CLPB: variants seen among roughly 807,000 people sequenced by gnomAD.
The protein encoded by CLPB is mitochondrial disaggregase.
In CLPB, 40 loss-of-function variants were observed where a neutral mutation model predicts 78.4. The ratio of observed to expected loss-of-function variants is 0.51; its 90% CI spans 0.40 to 0.66. CLPB has a LOEUF of 0.66. CLPB is among the 30% of genes least tolerant of loss of function. CLPB has a pLI of 0.00. For synonymous variants in CLPB, 333 were observed against 348.0 expected, an observed-to-expected ratio of 0.96 and a Z score of 0.48; for missense variants, 780 against 886.9, an observed-to-expected ratio of 0.88 and a Z score of 1.53.
intron 3 of CLPB, among the ~76,000 whole-genome samples, chr11:72,383,219 C>T (rs1357621319): frequency 6.6e-6 from 1 of 151,532 alleles, no homozygotes; most frequent in Non-Finnish European, 1.5e-5. Flanking sequence ...ATATTATAAT[C>T]AAACTATCAA....
At chr11:72,410,200 A>G (rs111236773) in intron 2 of CLPB, among the ~76,000 whole-genome samples, 15,319 of 152,188 alleles carry the variant, frequency 0.1, 1,340 homozygotes, top group African/African-American at 0.23. Flanking sequence ...ACTGTACCCC[A>G]GCCTAGGCAA....
chr11:72,376,624 G>A (rs1477718535), intron 4 of CLPB, among the ~76,000 whole-genome samples: 2 of 148,704 alleles, frequency 1.3e-5, no homozygotes, highest in Non-Finnish European at 3.0e-5. Flanking sequence ...AATGATTCCT[G>A]ACAAACTTCT....
chr11:72,407,739 C>T (rs1225612139), intron 2 of CLPB, among the ~76,000 whole-genome samples: 1 of 152,060 alleles, frequency 6.6e-6, no homozygotes, highest in South Asian at 2.1e-4. Context: ...CTCCGCCTCC[C>T]GAGTTCACGC....
rs138035256 is a variant in CLPB, at chr11:72,383,970, T to A, written c.543-3586A>T. On this transcript the variant is annotated intron_variant, in intron 3 of 15. Coordinates refer to ENST00000538039, the MANE Select transcript of CLPB (RefSeq NM_001258392.3). ...CTGAGAAACATGCTGAAACCCCATCTCTACCAAAAACAGACAGACAAACAA... is the reference window on the plus strand; with the variant it reads ...CTGAGAAACATGCTGAAACCCCATCACTACCAAAAACAGACAGACAAACAA... 1.4e-3 allele frequency among the ~76,000 whole-genome samples: 210 copies of A among 152,202 alleles called. 1 individual carries two copies. Among genetic ancestry groups the A allele is most frequent in the Non-Finnish European group, 2.0e-3 (135 of 68,000 alleles).
chr11:72,313,703 G>A (rs1949888296), intron 7 of CLPB, among the ~76,000 whole-genome samples: 1 of 152,174 alleles, frequency 6.6e-6, no homozygotes, highest in African/African-American at 2.4e-5. Context: ...TATTTGTGGG[G>A]TACATGAGAT....
chr11:72,364,524 TA>T lies in CLPB; in HGVS notation c.647-5517del, dbSNP rs959135506. ...GCCCGGCCAAAAAATTTTTTTTTAT[TA>T]AAAAAAAATATATAGAGAGAGATGG... On this transcript the variant is annotated intron_variant, in intron 4 of 15. Coordinates refer to ENST00000538039, the MANE Select transcript of CLPB (RefSeq NM_001258392.3). Among the ~76,000 whole-genome samples, 384 of 150,970 alleles carry T rather than the reference TA, an allele frequency of 2.5e-3. 4 individuals are homozygous for T. Among genetic ancestry groups the T allele is most frequent in the African/African-American group, 7.7e-3 (316 of 41,144 alleles).
At chr11:72,345,142 T>C (rs1356336024) in intron 5 of CLPB, among the ~76,000 whole-genome samples, 1 of 152,156 alleles carries the variant, frequency 6.6e-6, no homozygotes, top group African/African-American at 2.4e-5. Flanking sequence ...CCAGAGGACG[T>C]ATGCATTTAC....
chr11:72,355,828 G>A (rs1039128569), intron 5 of CLPB, among the ~76,000 whole-genome samples: 1 of 152,050 alleles, frequency 6.6e-6, no homozygotes, highest in Non-Finnish European at 1.5e-5. Context: ...ACCCTCTAAG[G>A]TCTGGGGACC....
At chr11:72,332,162 C>T (rs1320112891) in intron 5 of CLPB, among the ~76,000 whole-genome samples, 6 of 151,910 alleles carry the variant, frequency 3.9e-5, no homozygotes, top group Non-Finnish European at 7.4e-5. Context: ...ATACAATTCA[C>T]ACACCATAAA....
At chr11:72,396,246 G>A (rs868590219) in intron 3 of CLPB, among the ~76,000 whole-genome samples, 3 of 152,278 alleles carry the variant, frequency 2.0e-5, no homozygotes, top group Middle Eastern at 6.8e-3. Flanking sequence ...CCGGGAACCA[G>A]TCCTTCCGAC....
In CLPB at chr11:72,293,498, C is replaced by T; in HGVS notation, c.1903G>A (p.Glu635Lys). 6.2e-7 allele frequency: 1 copy of T among 1,614,148 alleles called. No homozygotes were observed. Among genetic ancestry groups the T allele is most frequent in the Non-Finnish European group, 8.5e-7 (1 of 1,180,028 alleles). Residue 635 changes from glutamate (E) to lysine (K), a missense_variant, in exon 16 of 16, where the codon GAA becomes AAA. Physicochemically the swap from Glu to Lys is moderately conservative, Grantham distance 56. Coordinates refer to ENST00000538039, the MANE Select transcript of CLPB (RefSeq NM_001258392.3). ...DSDKQLLKSP[E>K]LPSPQAEKRL... The stretch of plus-strand genomic sequence containing the variant: ...TTCTCAGCCTGGGGTGAGGGCAGTT[C>T]TGGGCTTTTGAGTAGCTGCTTGTCT...
At chr11:72,426,169 G>T (rs961554029) in intron 2 of CLPB, among the ~76,000 whole-genome samples, 2 of 152,186 alleles carry the variant, frequency 1.3e-5, no homozygotes, top group African/African-American at 4.8e-5. Context: ...GAACAACTGA[G>T]GTAAGCACTC....
At chr11:72,409,410 C>A (rs1855808531) in intron 2 of CLPB, among the ~76,000 whole-genome samples, 2 of 151,926 alleles carry the variant, frequency 1.3e-5, no homozygotes, top group Non-Finnish European at 2.9e-5. Flanking sequence ...AAGGCGAAAC[C>A]CCATCTCTAC....
intron 5 of CLPB, among the ~76,000 whole-genome samples, chr11:72,341,348 G>T (rs1253895016): frequency 6.6e-6 from 1 of 152,148 alleles, no homozygotes; most frequent in Non-Finnish European, 1.5e-5. Context: ...CAGAATCAGA[G>T]GAGCAAGAGG....
At position 72,286,341 on chromosome 11, in the gene CLPB, C is replaced by T. The variant is rs1377123815; in HGVS notation, c.*7026G>A. The T allele has an allele frequency of 1.3e-5, 2 of 150,570 alleles. No homozygotes were observed. The highest frequency in any genetic ancestry group is 3.0e-5 in the Non-Finnish European group (2 of 67,774). 9.3% of individuals were successfully genotyped at this position (150,570 alleles called of 1,614,324 possible). A position where few individuals can be genotyped will look rare whatever the true frequency, so the allele number is the denominator to read the frequency against. ...ATACTCCTAGACTCAAGGAATCTTCCACCTCAGCCTCGAGTAGCTGGGTAT... is the reference window on the plus strand; with the variant it reads ...ATACTCCTAGACTCAAGGAATCTTCTACCTCAGCCTCGAGTAGCTGGGTAT... On this transcript the variant is annotated 3_prime_UTR_variant, in exon 16 of 16. Coordinates refer to ENST00000538039, the MANE Select transcript of CLPB (RefSeq NM_001258392.3).
chr11:72,327,647 G>A (rs1950153976), intron 6 of CLPB, among the ~76,000 whole-genome samples: 2 of 152,182 alleles, frequency 1.3e-5, no homozygotes, highest in Non-Finnish European at 2.9e-5. Context: ...AAAGCTACAG[G>A]TACTCTTGGC....
chr11:72,382,019 C>A (rs577423459), intron 3 of CLPB, among the ~76,000 whole-genome samples: 30 of 152,256 alleles, frequency 2.0e-4, no homozygotes, highest in African/African-American at 7.0e-4. Flanking sequence ...CTAGCCCTCA[C>A]AGACCTACCC....
Position 72,363,839 on chromosome 11 carries a change from G to A in CLPB, c.647-4831C>T, listed in dbSNP as rs144176479. Among the ~76,000 whole-genome samples the A allele has an allele frequency of 2.0e-5, 3 of 152,260 alleles. No individual in the cohort carries two copies. In the East Asian group the frequency reaches 5.8e-4, roughly 29 times the overall value. ...CAGGCCCAAGCCTCATATAACTCAG[G>A]GTCGGTTGATACCAGCTGAAGCTCA... On this transcript the variant is annotated intron_variant, in intron 4 of 15. Transcript: ENST00000538039.
intron 5 of CLPB, among the ~76,000 whole-genome samples, chr11:72,337,568 A>G (rs1423428242): frequency 6.6e-6 from 1 of 152,184 alleles, no homozygotes; most frequent in Non-Finnish European, 1.5e-5. Flanking sequence ...AACTAAAATA[A>G]TTTACCCATG....
Sources: gnomAD v4.1 joint callset for allele counts (sites outside exome capture counted in the v4.1 genomes callset) on GRCh38, gnomAD v4.1.1 for gene constraint, MANE v1.5 for transcripts, NCBI Gene and HGNC (gene_info 2026-07-23, HGNC 2026-07-21) for gene names.